Variants in ZNF519 observed in about 807,000 individuals in gnomAD.
ZNF519 encodes the protein zinc finger protein 519.
A neutral mutation model predicts 7.4 loss-of-function variants in ZNF519; 7 were observed. The observed-to-expected ratio is 0.94, with a 90% CI of 0.54 to 1.77. The LOEUF is 1.77. Among genes scored for constraint, ZNF519 ranks in the 40% most tolerant of loss-of-function variants. The pLI, the probability that ZNF519 is intolerant of heterozygous loss-of-function variation, is 0.00. For synonymous variants in ZNF519, 179 were observed against 203.3 expected (o/e 0.88, Z 1.02); for missense variants, 586 against 623.1 (o/e 0.94, Z 0.63).
rs9959428 is a variant in ZNF519, at chr18:14,120,004, C to T, written c.130+4346G>A. 7.7e-3 allele frequency among the ~76,000 whole-genome samples: 1,175 copies of T among 151,990 alleles called. 18 individuals carry two copies. Among genetic ancestry groups the T allele is most frequent in the African/African-American group, 0.026 (1,071 of 41,426 alleles). ...GTACCATATTATCCAAAGTAATCTA[C>T]GGATTTAAAGTTTTAGTGGAATTTT... On this transcript the variant is annotated intron_variant, in intron 2 of 2. Transcript: ENST00000590202.
At chr18:14,124,247 A>G (rs2046284993) in intron 2 of ZNF519, 103 bp downstream of exon 2, 5 of 1,115,236 alleles carry the variant, frequency 4.5e-6, no homozygotes, top group African/African-American at 1.6e-5. Context: ...AAAAGAACTG[A>G]AATTAATTCA....
chr18:14,076,023 T>G (rs1190321425), exon 5 of ZNF519: 1 of 152,118 alleles, frequency 6.6e-6, no homozygotes, highest in African/African-American at 2.4e-5. Flanking sequence ...ATTATTTTTT[T>G]TTTTACAGGT....
At chr18:14,090,580 TAA>T (rs35882224) in intron 2 of ZNF519, 4,031 of 152,326 alleles carry the variant, frequency 0.026, 94 homozygotes, top group Non-Finnish European at 0.04. Context: ...GCCTGGGTCT[TAA>T]AGAGTGCTGC....
At chr18:14,129,521 C>T (rs564543743) in intron 1 of ZNF519, among the ~76,000 whole-genome samples, 1 of 152,220 alleles carries the variant, frequency 6.6e-6, no homozygotes, top group South Asian at 2.1e-4. Flanking sequence ...CACAGGGTGA[C>T]GACAAGCCTG....
chr18:14,109,287 T>A (rs1256377316), intron 2 of ZNF519, among the ~76,000 whole-genome samples: 1 of 152,102 alleles, frequency 6.6e-6, no homozygotes, highest in Non-Finnish European at 1.5e-5. Context: ...CACCCCACTT[T>A]CAGCATTGAA....
chr18:14,073,987 G>A (rs2046037781), downstream of ZNF519: 1 of 152,196 alleles, frequency 6.6e-6, no homozygotes, highest in African/African-American at 2.4e-5. Flanking sequence ...GGACAAGCCA[G>A]AAGATTTTTC....
intron 2 of ZNF519, among the ~76,000 whole-genome samples, chr18:14,108,715 C>A (rs2046206456): frequency 6.6e-6 from 1 of 151,206 alleles, no homozygotes; most frequent in Non-Finnish European, 1.5e-5. Flanking sequence ...TGAAAACAAA[C>A]AGAAAAAGCA....
intron 2 of ZNF519, among the ~76,000 whole-genome samples, chr18:14,111,515 GA>G (rs371322134): frequency 0.087 from 6,319 of 72,842 alleles, 86 homozygotes; most frequent in Middle Eastern, 0.16. Flanking sequence ...TCAAAAAAAA[GA>G]AAAAAAAAAA....
rs1384685999 is a variant in ZNF519 at position 14,103,975 on chromosome 18, C to T, written c.*942G>A. Reference sequence around the variant, plus strand: ...AATCATCAAAATTACAGACTGCAAACATTCAAAAAGCATTCTTATTCTGAT... The same window carrying T: ...AATCATCAAAATTACAGACTGCAAATATTCAAAAAGCATTCTTATTCTGAT... On this transcript the variant is annotated 3_prime_UTR_variant, in exon 3 of 3. Coordinates refer to ENST00000590202, the MANE Select transcript of ZNF519 (RefSeq NM_145287.4). The T allele has an allele frequency of 6.6e-6, 1 of 152,106 alleles. No homozygotes were observed. The highest frequency in any genetic ancestry group is 2.4e-5 in the African/African-American group (1 of 41,422). The allele number at this position is 152,106 out of a possible 1,614,324, so 9.4% of individuals were successfully genotyped here. A position where few individuals can be genotyped will look rare whatever the true frequency, so the allele number is the denominator to read the frequency against.
chr18:14,095,796 G>A (rs763471649), downstream of ZNF519, among the ~76,000 whole-genome samples: 57 of 152,222 alleles, frequency 3.7e-4, no homozygotes, highest in Non-Finnish European at 4.7e-4. Flanking sequence ...GAGTCACTCT[G>A]CACTGTGCTG....
At chr18:14,074,714 T>C (rs2046041160), downstream of ZNF519, 1 of 152,220 alleles carries the variant, frequency 6.6e-6, no homozygotes, top group Non-Finnish European at 1.5e-5. Context: ...GCTATCAGCA[T>C]TTTGGGTAAA....
chr18:14,121,117 G>GA (rs1324078983), intron 2 of ZNF519, among the ~76,000 whole-genome samples: 2 of 152,058 alleles, frequency 1.3e-5, no homozygotes, highest in African/African-American at 4.8e-5. Flanking sequence ...ATTAGATGGG[G>GA]AATCTAAAAA....
rs147268672 is a variant in ZNF519, at chr18:14,103,762, C to T, written c.*1155G>A. On this transcript the variant is annotated 3_prime_UTR_variant, in exon 3 of 3. Transcript: ENST00000590202. ...CTAAAGACAGCATGAACTAGACATA[C>T]CCGATAGTATATCATTACCATTTAC... The T allele has an allele frequency of 6.6e-4, 101 of 152,170 alleles. No homozygotes were observed. Among genetic ancestry groups the T allele is most frequent in the African/African-American group, 2.4e-3 (99 of 41,526 alleles). The allele number at this position is 152,170 out of a possible 1,614,324, so 9.4% of individuals were successfully genotyped here. A position where few individuals can be genotyped will look rare whatever the true frequency, so the allele number is the denominator to read the frequency against.
chr18:14,086,629 G>A (rs1598508547), intron 2 of ZNF519, among the ~76,000 whole-genome samples: 1 of 152,172 alleles, frequency 6.6e-6, no homozygotes, highest in South Asian at 2.1e-4. Flanking sequence ...CCTGGGGACC[G>A]TAAACAGAAC....
chr18:14,131,190 A>G (rs2046328108), intron 1 of ZNF519, among the ~76,000 whole-genome samples: 2 of 151,580 alleles, frequency 1.3e-5, no homozygotes, highest in African/African-American at 4.8e-5. Flanking sequence ...GGGAGGATAC[A>G]AGGAGAAACA....
Position 14,105,781 on chromosome 18 carries a change from C to G in ZNF519, c.759G>C (p.Lys253Asn). The G allele has an allele frequency of 6.2e-7, 1 of 1,611,270 alleles. No individual in the cohort carries two copies. Among genetic ancestry groups the G allele is most frequent in the Non-Finnish European group, 8.5e-7 (1 of 1,179,394 alleles). The change falls in exon 3 of 3, where the codon AAG becomes AAC. Residue 253 changes from lysine (K) to asparagine (N), a missense_variant. By Grantham distance (94) the Lys-to-Asn change is moderately conservative. Transcript: ENST00000590202. ...CIIVFSQSHLKGHKIINTGEK... is the reference protein window; with the variant it reads ...CIIVFSQSHLNGHKIINTGEK... ...CTCCAGTGTTAATTATCTTATGTCC[C>G]TTTAGATGTGATTGACTAAAGACTA...
At chr18:14,124,224 T>A in intron 2 of ZNF519, 126 bp downstream of exon 2, 2 of 941,692 alleles carry the variant, frequency 2.1e-6, no homozygotes, top group Non-Finnish European at 3.0e-6. Context: ...CAAACTCCCA[T>A]TTTTTCTTGA....
At chr18:14,126,140 T>C (rs1303308726) in intron 1 of ZNF519, among the ~76,000 whole-genome samples, 2 of 152,010 alleles carry the variant, frequency 1.3e-5, no homozygotes. Flanking sequence ...CTGTGAGAGA[T>C]TTCAGTGTGG....
downstream of ZNF519, chr18:14,074,190 C>T (rs1406480649): frequency 6.6e-6 from 1 of 152,142 alleles, no homozygotes; most frequent in Non-Finnish European, 1.5e-5. Context: ...GGAAGAAGGT[C>T]CTATCACACA....
Sources: gnomAD v4.1 joint callset for allele counts (sites outside exome capture counted in the v4.1 genomes callset) on GRCh38, gnomAD v4.1.1 for gene constraint, MANE v1.5 for transcripts, NCBI Gene and HGNC (gene_info 2026-07-23, HGNC 2026-07-21) for gene names.